Variants in FXYD7 observed in about 807,000 individuals in gnomAD.
FXYD7 encodes FXYD domain-containing ion transport regulator 7.
FXYD7 carries 7 observed loss-of-function variants against 15.3 expected under a neutral mutation model. The ratio of observed to expected loss-of-function variants is 0.46; its 90% CI spans 0.26 to 0.86. The LOEUF (loss-of-function observed/expected upper bound fraction) is 0.86. FXYD7 is among the 40% of genes least tolerant of loss of function. FXYD7 has a pLI of 0.16. For synonymous variants in FXYD7, 39 were observed against 39.3 expected, an observed-to-expected ratio of 0.99 and a Z score of 0.03; for missense variants, 78 against 100.6, an observed-to-expected ratio of 0.78 and a Z score of 0.96.
intron 1 of FXYD7, among the ~76,000 whole-genome samples, chr19:35,145,351 G>T (rs1285094070): frequency 6.6e-6 from 1 of 152,194 alleles, no homozygotes; most frequent in East Asian, 1.9e-4. Context: ...CAGGTTGCCG[G>T]GGCAGCAGGG....
intron 4 of FXYD7, 58 bp downstream of exon 4, chr19:35,151,540 G>A (rs948685185): frequency 5.0e-6 from 8 of 1,592,008 alleles, no homozygotes; most frequent in South Asian, 1.1e-5. Context: ...CCTAGCAGAT[G>A]GGCAGGATCC....
chr19:35,151,596 C>T lies in FXYD7; in HGVS notation c.180-37C>T, dbSNP rs761913417. 4 of 1,605,352 alleles carry T rather than the reference C, an allele frequency of 2.5e-6. No homozygotes were observed. In the East Asian group the frequency reaches 6.7e-5, roughly 27 times the overall value. On this transcript the variant is annotated intron_variant, in intron 4 of 5. Transcript: ENST00000270310. ...TCCCCAAAGCCTATGGTTATTGAAC[C>T]TCTTTCTACTTTTCTCTCTCATCTC...
intron 1 of FXYD7, 152 bp from the exon 2 acceptor site, chr19:35,148,542 A>G (rs1270255899): frequency 1.6e-6 from 1 of 630,800 alleles, no homozygotes; most frequent in African/African-American, 1.8e-5. Context: ...GCGGCCTGCC[A>G]TGAGGCCACA....
At chr19:35,147,053 C>A (rs933245770) in intron 1 of FXYD7, among the ~76,000 whole-genome samples, 1 of 152,196 alleles carries the variant, frequency 6.6e-6, no homozygotes, top group African/African-American at 2.4e-5. Flanking sequence ...TTCACGTATA[C>A]GTCCATCACA....
chr19:35,154,201 G>GC lies in FXYD7; in HGVS notation c.*291dup, dbSNP rs944542571. 2 of 532,286 alleles carry GC rather than the reference G, an allele frequency of 3.8e-6. No individual in the cohort carries two copies. Among genetic ancestry groups the GC allele is most frequent in the Non-Finnish European group, 6.7e-6 (2 of 300,740 alleles). The allele number at this position is 532,286 out of a possible 1,614,324, so 33.0% of individuals were successfully genotyped here. On this transcript the variant is annotated 3_prime_UTR_variant, in exon 6 of 6. Coordinates refer to ENST00000270310, the MANE Select transcript of FXYD7 (RefSeq NM_022006.2). ...AGCACCCCCAGCATCCCCGTGTATG[G>GC]CCCCCCTGCACCTCCTTGTCTCATC...
chr19:35,150,162 C>T (rs2065304470), intron 2 of FXYD7, among the ~76,000 whole-genome samples: 1 of 152,170 alleles, frequency 6.6e-6, no homozygotes. Flanking sequence ...AGTGATCTGC[C>T]TGCCTTGGCC....
rs576129394 is a variant in FXYD7, at chr19:35,148,634, T to C, written c.32-60T>C. ...GCTCCATCTGGATCCTAAAAAATAT[T>C]AAGAAATACACTGTTAAGTTTTTTT... On this transcript the variant is annotated intron_variant, in intron 1 of 5. Transcript: ENST00000270310. 1.8e-4 allele frequency: 251 copies of C among 1,408,870 alleles called. No homozygotes were observed. The South Asian group carries it at 3.5e-3, about 19-fold the overall frequency. 87.3% of individuals were successfully genotyped at this position (1,408,870 alleles called of 1,614,324 possible). A position where few individuals can be genotyped will look rare whatever the true frequency, so the allele number is the denominator to read the frequency against.
intron 1 of FXYD7, among the ~76,000 whole-genome samples, chr19:35,145,002 G>A (rs1036146948): frequency 3.9e-5 from 6 of 152,152 alleles, no homozygotes; most frequent in African/African-American, 1.4e-4. Flanking sequence ...AGTTAGGAGT[G>A]AACAGAAGAG....
chr19:35,154,014 TC>T lies in FXYD7; in HGVS notation c.*102del. The T allele has an allele frequency of 8.4e-7, 1 of 1,189,502 alleles. No individual in the cohort carries two copies. Among genetic ancestry groups the T allele is most frequent in the Non-Finnish European group, 1.2e-6 (1 of 817,120 alleles). The allele number at this position is 1,189,502 out of a possible 1,614,324, so 73.7% of individuals were successfully genotyped here. ...GGACCCAGCCGCGCGCCGGGAGCGC[TC>T]CCCGGAATGAGCCGCCCCACCCACC... On this transcript the variant is annotated 3_prime_UTR_variant, in exon 6 of 6. Transcript: ENST00000270310.
In FXYD7 at chr19:35,154,150, T is replaced by A; in HGVS notation, c.*234T>A. ...CCCAGGGCCTCAGGCCTCCAGCTCCTGGGATCCGGGAGTCCATCCCGGCCC... is the reference window on the plus strand; with the variant it reads ...CCCAGGGCCTCAGGCCTCCAGCTCCAGGGATCCGGGAGTCCATCCCGGCCC... On this transcript the variant is annotated 3_prime_UTR_variant, in exon 6 of 6. Transcript: ENST00000270310. The A allele has an allele frequency of 1.9e-6, 1 of 533,944 alleles. No homozygotes were observed. Among genetic ancestry groups the A allele is most frequent in the Non-Finnish European group, 3.3e-6 (1 of 303,250 alleles). 33.1% of individuals were successfully genotyped at this position (533,944 alleles called of 1,614,324 possible). A position where few individuals can be genotyped will look rare whatever the true frequency, so the allele number is the denominator to read the frequency against.
intron 2 of FXYD7, 44 bp from the exon 3 acceptor site, chr19:35,151,210 C>A: frequency 7.8e-7 from 1 of 1,287,010 alleles, no homozygotes; most frequent in Non-Finnish European, 1.1e-6. Flanking sequence ...CAGGTGCAGC[C>A]AAGGTGCTGT....
At chr19:35,151,910 A>G (rs1275084385) in intron 5 of FXYD7, among the ~76,000 whole-genome samples, 1 of 151,986 alleles carries the variant, frequency 6.6e-6, no homozygotes, top group African/African-American at 2.4e-5. Context: ...AGGCTGAGGC[A>G]GGCAGATCAC....
chr19:35,153,102 A>G, intron 5 of FXYD7, among the ~76,000 whole-genome samples: 1 of 114,820 alleles, frequency 8.7e-6, no homozygotes, highest in Non-Finnish European at 1.6e-5. Flanking sequence ...CCCAGGCTGG[A>G]GTGCAGTGGC....
intron 5 of FXYD7, among the ~76,000 whole-genome samples, chr19:35,152,156 G>GAGGAAGGA (rs2065313360): frequency 1.3e-5 from 1 of 79,682 alleles, no homozygotes; most frequent in Non-Finnish European, 2.5e-5. Flanking sequence ...AAAAAAAAAA[G>GAGGAAGGA]AGGAAGGAAG....
intron 1 of FXYD7, among the ~76,000 whole-genome samples, chr19:35,145,288 A>T (rs2065285442): frequency 6.6e-6 from 1 of 152,158 alleles, no homozygotes; most frequent in Non-Finnish European, 1.5e-5. Flanking sequence ...AGTAGTGCAC[A>T]TTCCTTTGCC....
At chr19:35,152,724 T>G (rs2065316008) in intron 5 of FXYD7, among the ~76,000 whole-genome samples, 2 of 147,524 alleles carry the variant, frequency 1.4e-5, no homozygotes, top group South Asian at 2.2e-4. Flanking sequence ...GCGTGGAGGG[T>G]GGAGGAGGGA....
Position 35,153,874 on chromosome 19 carries a change from C to A in FXYD7, c.221-20C>A. The A allele has an allele frequency of 6.2e-7, 1 of 1,612,238 alleles. No individual in the cohort carries two copies. The highest frequency in any genetic ancestry group is 8.5e-7 in the Non-Finnish European group (1 of 1,178,662). On this transcript the variant is annotated intron_variant, in intron 5 of 5. Transcript: ENST00000270310. ...CAGTTTCCACCTTTCTAGTGGCTCA[C>A]GCACCCCCTCTCTCCCCAGCCCCTG... is the stretch of plus-strand genomic sequence containing the variant.
chr19:35,150,567 G>T (rs186413941), intron 2 of FXYD7, among the ~76,000 whole-genome samples: 2 of 152,296 alleles, frequency 1.3e-5, no homozygotes, highest in Non-Finnish European at 2.9e-5. Flanking sequence ...AGACACTGGT[G>T]AGGGAAGGAG....
chr19:35,152,569 A>G (rs1296880563), intron 5 of FXYD7, among the ~76,000 whole-genome samples: 1 of 152,172 alleles, frequency 6.6e-6, no homozygotes, highest in Non-Finnish European at 1.5e-5. Context: ...ACATTGGAAA[A>G]GAACATATGG....
Sources: allele counts gnomAD v4.1 joint callset (sites outside exome capture counted in the v4.1 genomes callset), GRCh38; gene constraint gnomAD v4.1.1; transcripts MANE v1.5; gene names NCBI Gene and HGNC (gene_info 2026-07-23, HGNC 2026-07-21).